STARD6: variants seen among roughly 807,000 people sequenced by gnomAD.
The protein encoded by STARD6 is stAR-related lipid transfer protein 6.
In STARD6, 21 loss-of-function variants were observed where a neutral mutation model predicts 22.3. The observed-to-expected ratio is 0.94, with a 90% CI of 0.67 to 1.35. STARD6 has a LOEUF of 1.35. Among genes scored for constraint, STARD6 ranks in the 40% most tolerant of loss-of-function variants. The pLI, the probability that STARD6 is intolerant of heterozygous loss-of-function variation, is 0.00. For missense variants in STARD6, 269 were observed against 266.9 expected (o/e 1.01, Z -0.05); for synonymous variants, 80 against 88.1 (o/e 0.91, Z 0.52).
chr18:54,336,183 A>T (rs1324111109), intron 5 of STARD6, among the ~76,000 whole-genome samples: 1 of 151,952 alleles, frequency 6.6e-6, no homozygotes. Context: ...CTCTCTCTTT[A>T]TATCTATTTA....
At chr18:54,331,333 T>C (rs1380596358) in intron 6 of STARD6, among the ~76,000 whole-genome samples, 1 of 152,202 alleles carries the variant, frequency 6.6e-6, no homozygotes, top group Non-Finnish European at 1.5e-5. Context: ...AAAGCACATT[T>C]ATGTAAAGAG....
intron 4 of STARD6, among the ~76,000 whole-genome samples, chr18:54,346,964 C>G (rs1238189884): frequency 6.6e-6 from 1 of 151,960 alleles, no homozygotes; most frequent in African/African-American, 2.4e-5. Flanking sequence ...GGAGAATGTT[C>G]TAAATGAAAT....
chr18:54,348,017 G>A (rs922876836), intron 4 of STARD6, among the ~76,000 whole-genome samples: 1 of 151,926 alleles, frequency 6.6e-6, no homozygotes, highest in Non-Finnish European at 1.5e-5. Flanking sequence ...TTTATAAGGG[G>A]TTTCCCTTTT....
chr18:54,340,234 CATAAT>C (rs2088957914), intron 4 of STARD6, among the ~76,000 whole-genome samples: 2 of 151,886 alleles, frequency 1.3e-5, no homozygotes, highest in African/African-American at 4.8e-5. Context: ...CATATATAGA[CATAAT>C]ATGTGCAACA....
In STARD6 at chr18:54,324,884, A is replaced by C. The variant is rs1465239431; in HGVS notation, c.480-9T>G. The C allele has an allele frequency of 1.3e-6, 2 of 1,501,386 alleles. No homozygotes were observed. The highest frequency in any genetic ancestry group is 1.4e-5 in the South Asian group (1 of 71,330). 93.0% of individuals were successfully genotyped at this position (1,501,386 alleles called of 1,614,324 possible). ...TGGAATATGCTGGGTTTCTGTAAGC[A>C]AAAGAAGAGTTAAAAAAAGATAAGA... On this transcript the variant is annotated splice_polypyrimidine_tract_variant and intron_variant, in intron 7 of 7. Coordinates refer to ENST00000307844, the MANE Select transcript of STARD6 (RefSeq NM_139171.2).
chr18:54,353,812 A>G (rs2089119187), intron 4 of STARD6: 2 of 309,206 alleles, frequency 6.5e-6, no homozygotes, highest in Non-Finnish European at 1.2e-5. Context: ...AAAATTTCCT[A>G]TTTAGTGAAT....
In STARD6 at chr18:54,334,699, G is replaced by A. The variant is rs1440977208; in HGVS notation, c.267+2426C>T. ...GTTTCTAATGTGTCTCACTCAGAGAGGCCTTTCCCAGTTCTCTAGCTATAA... is the reference window on the plus strand; with the variant it reads ...GTTTCTAATGTGTCTCACTCAGAGAAGCCTTTCCCAGTTCTCTAGCTATAA... On this transcript the variant is annotated intron_variant, in intron 5 of 7. Coordinates refer to ENST00000307844, the MANE Select transcript of STARD6 (RefSeq NM_139171.2). Among the ~76,000 whole-genome samples, 6 of 151,950 alleles carry A rather than the reference G, an allele frequency of 3.9e-5. No homozygotes were observed. The South Asian group carries it at 1.2e-3, about 31-fold the overall frequency.
intron 7 of STARD6, among the ~76,000 whole-genome samples, chr18:54,328,000 C>A (rs2144664294): frequency 6.6e-6 from 1 of 152,228 alleles, no homozygotes; most frequent in South Asian, 2.1e-4. Context: ...CTCTGTCCCA[C>A]CCAGGATGTG....
intron 5 of STARD6, among the ~76,000 whole-genome samples, chr18:54,332,116 A>C (rs1476872714): frequency 6.6e-6 from 1 of 152,200 alleles, no homozygotes; most frequent in African/African-American, 2.4e-5. Flanking sequence ...TTGAAGCCTA[A>C]CAGATTAAAT....
At chr18:54,337,071 A>G (rs999730687) in intron 5 of STARD6, 54 bp downstream of exon 5, 2 of 1,494,210 alleles carry the variant, frequency 1.3e-6, no homozygotes, top group Non-Finnish European at 1.8e-6. Flanking sequence ...TCACTAAGGT[A>G]TAAACTAAAA....
At chr18:54,347,513 A>G (rs184213338) in intron 4 of STARD6, among the ~76,000 whole-genome samples, 23 of 152,282 alleles carry the variant, frequency 1.5e-4, no homozygotes, top group Admixed American at 1.2e-3. Flanking sequence ...TTTTAAAAAT[A>G]GTACTACAAT....
chr18:54,346,014 T>A (rs1225412183), intron 4 of STARD6, among the ~76,000 whole-genome samples: 1 of 152,144 alleles, frequency 6.6e-6, no homozygotes, highest in Non-Finnish European at 1.5e-5. Flanking sequence ...AGCCAATTAT[T>A]TCTTGGATTC....
In STARD6 at chr18:54,350,985, G is replaced by A. The variant is rs561565991; in HGVS notation, c.140+3069C>T. Among the ~76,000 whole-genome samples, 211 of 152,212 alleles carry A rather than the reference G, an allele frequency of 1.4e-3. 1 individual carries two copies. The highest frequency in any genetic ancestry group is 4.8e-3 in the African/African-American group (199 of 41,558). ...TGTGGACTGTTTTTTGGTTCCATACGAATTTTAGGATTGTTTTTTCTAGTT... is the reference window on the plus strand; with the variant it reads ...TGTGGACTGTTTTTTGGTTCCATACAAATTTTAGGATTGTTTTTTCTAGTT... On this transcript the variant is annotated intron_variant, in intron 4 of 7. Coordinates refer to ENST00000307844, the MANE Select transcript of STARD6 (RefSeq NM_139171.2).
At chr18:54,331,390 G>A (rs956950102) in intron 6 of STARD6, among the ~76,000 whole-genome samples, 4 of 152,122 alleles carry the variant, frequency 2.6e-5, no homozygotes, top group Admixed American at 1.3e-4. Flanking sequence ...TACTGGATAT[G>A]TGCATTATAA....
At chr18:54,329,205 A>T in intron 7 of STARD6, 142 bp downstream of exon 7, 1 of 577,464 alleles carries the variant, frequency 1.7e-6, no homozygotes, top group South Asian at 3.1e-5. Context: ...AAGTTATTTT[A>T]AAAATCATAT....
chr18:54,324,591 A>G lies in STARD6; in HGVS notation c.*101T>C. 1 of 1,124,358 alleles carries G rather than the reference A, an allele frequency of 8.9e-7. No homozygotes were observed. Among genetic ancestry groups the G allele is most frequent in the Non-Finnish European group, 1.3e-6 (1 of 780,492 alleles). 69.6% of individuals were successfully genotyped at this position (1,124,358 alleles called of 1,614,324 possible). A position where few individuals can be genotyped will look rare whatever the true frequency, so the allele number is the denominator to read the frequency against. ...CATGTGTACAAGAATACTGTCTAGA[A>G]TAGTTTAACAGTATTATTTATGTGC... On this transcript the variant is annotated 3_prime_UTR_variant, in exon 8 of 8. Coordinates refer to ENST00000307844, the MANE Select transcript of STARD6 (RefSeq NM_139171.2).
intron 5 of STARD6, among the ~76,000 whole-genome samples, chr18:54,336,656 A>G (rs1657884): frequency 0.77 from 116,429 of 152,072 alleles, 45,487 homozygotes; most frequent in African/African-American, 0.94. Flanking sequence ...ACGAGGTCTG[A>G]TGGTTTAAAA....
intron 4 of STARD6, among the ~76,000 whole-genome samples, chr18:54,351,551 T>G (rs1749919474): frequency 6.6e-6 from 1 of 152,244 alleles, no homozygotes; most frequent in Admixed American, 6.5e-5. Context: ...CTTTCAACTT[T>G]TCCCTGTTCA....
rs200318360 is a variant in STARD6 at position 54,337,210 on chromosome 18, A to C, written c.182T>G (p.Leu61Arg). The change falls in exon 5 of 8, where the codon CTA becomes CGA. Residue 61 changes from leucine (L) to arginine (R), a missense_variant. Transcript: ENST00000307844. ...EGIIPESPAK[L>R]SDFLYQTGDR... ...TCCAGTTTGGTAGAGGAAATCAGAT[A>C]GTTTAGCTGGTGATTCTGGAATTAT... The C allele has an allele frequency of 6.2e-7, 1 of 1,613,508 alleles. No individual in the cohort carries two copies. Among genetic ancestry groups the C allele is most frequent in the Non-Finnish European group, 8.5e-7 (1 of 1,179,660 alleles).
Sources: allele counts gnomAD v4.1 joint callset (sites outside exome capture counted in the v4.1 genomes callset), GRCh38; gene constraint gnomAD v4.1.1; transcripts MANE v1.5; gene names NCBI Gene and HGNC (gene_info 2026-07-23, HGNC 2026-07-21).